Variants in ZFPM1 observed in about 807,000 individuals in gnomAD.
The protein encoded by ZFPM1 is zinc finger protein ZFPM1.
In ZFPM1, 28 loss-of-function variants were observed where a neutral mutation model predicts 46.3. That is an observed-to-expected ratio of 0.60 (90% CI 0.45 to 0.83). ZFPM1 has a LOEUF of 0.83. Ranked by LOEUF, ZFPM1 falls within the 40% of genes least tolerant of loss-of-function variation. The pLI, the probability that ZFPM1 is intolerant of heterozygous loss-of-function variation, is 0.00. For synonymous variants in ZFPM1, 957 were observed against 675.9 expected, an observed-to-expected ratio of 1.42 and a Z score of -6.45; for missense variants, 1,878 against 1,432.4, an observed-to-expected ratio of 1.31 and a Z score of -5.02.
intron 2 of ZFPM1, among the ~76,000 whole-genome samples, chr16:88,487,782 G>C (rs1468223637): frequency 6.6e-6 from 1 of 152,180 alleles, no homozygotes; most frequent in Non-Finnish European, 1.5e-5. Context: ...GCAGGCCCTG[G>C]GGTCACCAGA....
At position 88,478,079 on chromosome 16, in the gene ZFPM1, C is replaced by A. The variant is rs557496134; in HGVS notation, c.41-7860C>A. Among the ~76,000 whole-genome samples, 13 of 152,216 alleles carry A rather than the reference C, an allele frequency of 8.5e-5. No homozygotes were observed. The East Asian group carries it at 2.5e-3, about 29-fold the overall frequency. On this transcript the variant is annotated intron_variant, in intron 1 of 9. Transcript: ENST00000319555. ...TCTGTCTGTCTGCCTCTTGGTGGAG[C>A]CGCTCAACCGCCATGTCTCCCCTGC...
At position 88,471,947 on chromosome 16, in the gene ZFPM1, C is replaced by T. The variant is rs116132699; in HGVS notation, c.41-13992C>T. On this transcript the variant is annotated intron_variant, in intron 1 of 9. Transcript: ENST00000319555. This position sits in a 1 kb window ranked among gnomAD's most constrained non-coding sequence, Gnocchi z 4.1. ...GCCTTGGGTGGGCCGGGGCAGGGGC[C>T]GTGTGGTCTGCAGGGAGTGGAGCCA... is the stretch of plus-strand genomic sequence containing the variant. Among the ~76,000 whole-genome samples, 765 of 152,350 alleles carry T rather than the reference C, an allele frequency of 5.0e-3. 6 individuals are homozygous for T. The highest frequency in any genetic ancestry group is 0.017 in the African/African-American group (717 of 41,588).
At position 88,485,928 on chromosome 16, in the gene ZFPM1, T is replaced by C. The variant is rs1018820440; in HGVS notation, c.41-11T>C. On this transcript the variant is annotated splice_polypyrimidine_tract_variant and intron_variant, in intron 1 of 9. Coordinates refer to ENST00000319555, the MANE Select transcript of ZFPM1 (RefSeq NM_153813.3). ...AGCTCCTCCCGAACCCCCATCGTCT[T>C]GTGTCCACAGGTTCCCTCGGAGACA... The C allele has an allele frequency of 1.9e-6, 3 of 1,612,400 alleles. No individual in the cohort carries two copies. The highest frequency in any genetic ancestry group is 2.5e-6 in the Non-Finnish European group (3 of 1,179,538).
intron 1 of ZFPM1, among the ~76,000 whole-genome samples, chr16:88,473,019 G>T (rs1471548733): frequency 6.6e-6 from 1 of 152,268 alleles, no homozygotes; most frequent in African/African-American, 2.4e-5. Context: ...TGGGCAGGAG[G>T]TCTGGGCGCA....
intron 3 of ZFPM1, among the ~76,000 whole-genome samples, chr16:88,490,634 G>T (rs1023900809): frequency 2.0e-5 from 3 of 152,310 alleles, no homozygotes; most frequent in African/African-American, 4.8e-5. Flanking sequence ...GTAGGCAGCC[G>T]CTTGTTTAAC....
upstream of ZFPM1, chr16:88,453,274 G>A (rs2142329736): frequency 1.4e-5 from 2 of 146,796 alleles, no homozygotes; most frequent in African/African-American, 2.4e-5. Flanking sequence ...CCCGCCCCGT[G>A]CCTCCAGCCC....
rs940982644 is a variant in ZFPM1, at chr16:88,469,211, C to A, written c.40+15533C>A. On this transcript the variant is annotated intron_variant, in intron 1 of 9. Coordinates refer to ENST00000319555, the MANE Select transcript of ZFPM1 (RefSeq NM_153813.3). This position sits in a 1 kb window ranked among gnomAD's most constrained non-coding sequence, Gnocchi z 4.3. ...TCCACCCTCTCCCCGCGCTGACTTC[C>A]ATCCGGAACCTCATTCTGCCAAGCT... Among the ~76,000 whole-genome samples, 3 of 152,232 alleles carry A rather than the reference C, an allele frequency of 2.0e-5. No homozygotes were observed. The highest frequency in any genetic ancestry group is 2.9e-5 in the Non-Finnish European group (2 of 68,042).
At chr16:88,473,424 G>A (rs950548868) in intron 1 of ZFPM1, among the ~76,000 whole-genome samples, 28 of 152,216 alleles carry the variant, frequency 1.8e-4, no homozygotes, top group Admixed American at 7.2e-4. Context: ...CCTTGAGGGC[G>A]GGGTGAGGTG....
In ZFPM1 at chr16:88,497,883, C is replaced by A. The variant is rs1324443601; in HGVS notation, c.268+8730C>A. Among the ~76,000 whole-genome samples, 1 of 152,182 alleles carries A rather than the reference C, an allele frequency of 6.6e-6. No individual in the cohort carries two copies. The highest frequency in any genetic ancestry group is 1.9e-4 in the East Asian group (1 of 5,168). On this transcript the variant is annotated intron_variant, in intron 3 of 9. Coordinates refer to ENST00000319555, the MANE Select transcript of ZFPM1 (RefSeq NM_153813.3). The surrounding 1 kb of genome is among the most constrained non-coding windows in gnomAD (Gnocchi z 5.4). ...CTCGCCGGCGGAGCGTCTACGCAAA[C>A]CTCAAGGCCTGCTATCGGGTGGAGG...
At chr16:88,484,867 C>T (rs12933875) in intron 1 of ZFPM1, among the ~76,000 whole-genome samples, 12,819 of 152,274 alleles carry the variant, frequency 0.084, 712 homozygotes, top group African/African-American at 0.16. Context: ...GCACTTGGGC[C>T]GCGTGGCCTT....
rs542391335 is a variant in ZFPM1 at position 88,485,127 on chromosome 16, C to T, written c.41-812C>T. On this transcript the variant is annotated intron_variant, in intron 1 of 9. Transcript: ENST00000319555. ...AGTGCACGGGGACTGGGCCCCTGGGCGGGGCACTGGCAGGTGATGCCAGGC... is the reference window on the plus strand; with the variant it reads ...AGTGCACGGGGACTGGGCCCCTGGGTGGGGCACTGGCAGGTGATGCCAGGC... Among the ~76,000 whole-genome samples, 55 of 152,298 alleles carry T rather than the reference C, an allele frequency of 3.6e-4. 1 individual carries two copies. Among genetic ancestry groups the T allele is most frequent in the African/African-American group, 1.3e-3 (53 of 41,560 alleles).
At chr16:88,528,856 A>AC (rs2142481361) in intron 6 of ZFPM1, among the ~76,000 whole-genome samples, 1 of 152,292 alleles carries the variant, frequency 6.6e-6, no homozygotes, top group African/African-American at 2.4e-5. Flanking sequence ...GGCACACGCC[A>AC]CCAAAATCTC....
intron 4 of ZFPM1, among the ~76,000 whole-genome samples, chr16:88,525,370 G>C (rs1231767264): frequency 6.6e-6 from 1 of 152,256 alleles, no homozygotes; most frequent in Non-Finnish European, 1.5e-5. Context: ...ACCATGGCAG[G>C]GTTGGGCTGA....
chr16:88,488,028 G>T (rs563527976), intron 2 of ZFPM1, among the ~76,000 whole-genome samples: 3 of 152,192 alleles, frequency 2.0e-5, no homozygotes, highest in Non-Finnish European at 2.9e-5. Flanking sequence ...CTTAACCCTC[G>T]CGGAGCCTCC....
intron 3 of ZFPM1, among the ~76,000 whole-genome samples, chr16:88,502,398 C>T (rs952963256): frequency 2.6e-5 from 4 of 152,140 alleles, no homozygotes; most frequent in African/African-American, 4.8e-5. Context: ...CCCACCTCTG[C>T]CCCATAGGCC....
rs1250349573 is a variant in ZFPM1 at position 88,528,180 on chromosome 16, C to G, written c.654C>G (p.Leu218=). The part of the protein sequence containing the change: ...EPTCPAPAHD[L]QLLPQQAGMA... The stretch of plus-strand genomic sequence containing the variant: ...CGTGCCCGGCCCCTGCACACGACCT[C>G]CAGCTCCTGCCCCAGCAGGCCGGGA... Residue 218 remains leucine (L), a synonymous_variant, in exon 6 of 10, where the codon CTC becomes CTG. Coordinates refer to ENST00000319555, the MANE Select transcript of ZFPM1 (RefSeq NM_153813.3). 3 of 1,610,370 alleles carry G rather than the reference C, an allele frequency of 1.9e-6. No homozygotes were observed. Among genetic ancestry groups the G allele is most frequent in the Admixed American group, 3.3e-5 (2 of 59,924 alleles).
intron 3 of ZFPM1, among the ~76,000 whole-genome samples, chr16:88,490,742 G>A (rs1335107140): frequency 1.3e-5 from 2 of 152,190 alleles, no homozygotes; most frequent in East Asian, 3.8e-4. Context: ...TGGGGAAGCT[G>A]AGTTACACCT....
intron 1 of ZFPM1, among the ~76,000 whole-genome samples, chr16:88,463,729 A>G (rs1365053931): frequency 1.3e-5 from 2 of 152,208 alleles, no homozygotes; most frequent in Non-Finnish European, 2.9e-5. Context: ...GGTGGTTTTC[A>G]TAGGAGACCT....
intron 3 of ZFPM1, among the ~76,000 whole-genome samples, chr16:88,490,173 C>A (rs565843334): frequency 3.9e-5 from 6 of 152,204 alleles, no homozygotes; most frequent in Admixed American, 3.3e-4. Flanking sequence ...CCTGCCTCAG[C>A]CTCCCGAGTA....
Sources: allele counts gnomAD v4.1 joint callset (sites outside exome capture counted in the v4.1 genomes callset), GRCh38; gene constraint gnomAD v4.1.1; non-coding constraint Gnocchi (gnomAD v3.1); transcripts MANE v1.5; gene names NCBI Gene and HGNC (gene_info 2026-07-23, HGNC 2026-07-21).